The following CCDC91 variants were observed in gnomAD, a reference collection of about 807,000 sequenced individuals.
CCDC91 encodes coiled-coil domain containing 91, also known as coiled-coil domain-containing protein 91.
In CCDC91, 48 loss-of-function variants were observed where a neutral mutation model predicts 63.2. The ratio of observed to expected loss-of-function variants is 0.76; its 90% CI spans 0.60 to 0.97. The LOEUF is 0.97. CCDC91 is among the 50% of genes least tolerant of loss of function. The pLI, the probability that CCDC91 is intolerant of heterozygous loss-of-function variation, is 0.00. For synonymous variants in CCDC91, 167 were observed against 165.8 expected (o/e 1.01, Z -0.06); for missense variants, 500 against 494.6 (o/e 1.01, Z -0.10).
intron 1 of CCDC91, among the ~76,000 whole-genome samples, chr12:28,201,416 C>T (rs72505493): frequency 7.3e-6 from 1 of 137,662 alleles, no homozygotes; most frequent in Non-Finnish European, 1.7e-5. Flanking sequence ...GCTCTCCCCA[C>T]ATCTCAGACG....
chr12:28,289,478 A>G (rs908861144), intron 3 of CCDC91, among the ~76,000 whole-genome samples: 25 of 151,912 alleles, frequency 1.6e-4, no homozygotes, highest in Non-Finnish European at 4.4e-5. Flanking sequence ...ATTTTCATGT[A>G]TTTGAATGGT....
chr12:28,456,540 A>G (rs889772979), intron 11 of CCDC91, among the ~76,000 whole-genome samples: 1 of 152,092 alleles, frequency 6.6e-6, no homozygotes, highest in Non-Finnish European at 1.5e-5. Flanking sequence ...ATAATGTTTT[A>G]TGTCTTGATT....
chr12:28,422,058 G>T (rs1335244212), intron 8 of CCDC91, among the ~76,000 whole-genome samples: 1 of 151,992 alleles, frequency 6.6e-6, no homozygotes, highest in Non-Finnish European at 1.5e-5. Flanking sequence ...TCTTTGAAAC[G>T]GTGGAAACCT....
At chr12:28,438,336 A>G (rs1949015429) in intron 8 of CCDC91, among the ~76,000 whole-genome samples, 1 of 152,098 alleles carries the variant, frequency 6.6e-6, no homozygotes, top group Non-Finnish European at 1.5e-5. Context: ...TGGCTCTTCT[A>G]CCATGTGAGA....
At chr12:28,537,638 CA>C (rs1372131130) in intron 12 of CCDC91, among the ~76,000 whole-genome samples, 2 of 152,152 alleles carry the variant, frequency 1.3e-5, no homozygotes, top group East Asian at 3.9e-4. Context: ...AGAAGCTAAA[CA>C]AAGTCATAAA....
intron 11 of CCDC91, among the ~76,000 whole-genome samples, chr12:28,458,316 A>C (rs1046787962): frequency 1.2e-4 from 18 of 151,600 alleles, no homozygotes; most frequent in African/African-American, 4.4e-4. Flanking sequence ...CTTTTCATCT[A>C]AGTCCTTTTT....
chr12:28,525,537 G>C (rs1225921378), intron 12 of CCDC91, among the ~76,000 whole-genome samples: 1 of 152,080 alleles, frequency 6.6e-6, no homozygotes, highest in African/African-American at 2.4e-5. Context: ...CTATCTTGGA[G>C]AAAGTTCCAT....
chr12:28,232,746 C>T (rs1001155608), intron 1 of CCDC91, among the ~76,000 whole-genome samples: 19 of 152,026 alleles, frequency 1.2e-4, no homozygotes, highest in African/African-American at 4.6e-4. Context: ...GATGGTATGT[C>T]TTGTTCTGTT....
chr12:28,380,055 T>A (rs1945196519), intron 7 of CCDC91, among the ~76,000 whole-genome samples: 1 of 152,114 alleles, frequency 6.6e-6, no homozygotes, highest in Non-Finnish European at 1.5e-5. Flanking sequence ...ACCATCATTC[T>A]CAGCAAACTA....
rs1413303776 is a variant in CCDC91 at position 28,232,070 on chromosome 12, GT to G, written c.-14-25129del. Among the ~76,000 whole-genome samples the G allele has an allele frequency of 2.6e-4, 39 of 152,204 alleles. 1 individual carries two copies. The highest frequency in any genetic ancestry group is 7.8e-4 in the Admixed American group (12 of 15,290). On this transcript the variant is annotated intron_variant, in intron 1 of 12. Transcript: ENST00000536442. ...ACTGCCAGGTACATTGATGTCAGTG[GT>G]TTGAATCAAACTGAATATCCTTTAT...
chr12:28,303,453 A>G (rs1436980593), intron 3 of CCDC91, among the ~76,000 whole-genome samples: 1 of 152,012 alleles, frequency 6.6e-6, no homozygotes, highest in Admixed American at 6.6e-5. Flanking sequence ...AACATGATAC[A>G]CTTGAACATT....
intron 11 of CCDC91, among the ~76,000 whole-genome samples, chr12:28,462,282 T>A (rs1057182885): frequency 1.3e-5 from 2 of 152,080 alleles, no homozygotes; most frequent in Non-Finnish European, 2.9e-5. Context: ...GGTTAAGAAG[T>A]TGTGCAATGC....
intron 7 of CCDC91, among the ~76,000 whole-genome samples, chr12:28,379,784 C>A (rs1019692574): frequency 6.6e-6 from 1 of 152,160 alleles, no homozygotes; most frequent in Non-Finnish European, 1.5e-5. Flanking sequence ...TACCATTTGA[C>A]CTAGCAATCC....
chr12:28,255,303 C>T (rs1335693032), intron 1 of CCDC91, among the ~76,000 whole-genome samples: 1 of 152,142 alleles, frequency 6.6e-6, no homozygotes, highest in Non-Finnish European at 1.5e-5. Flanking sequence ...CTAAAAATTC[C>T]ATTCTTTTGA....
intron 6 of CCDC91, among the ~76,000 whole-genome samples, chr12:28,340,229 A>G (rs1363782376): frequency 5.3e-5 from 8 of 152,228 alleles, no homozygotes; most frequent in Non-Finnish European, 1.0e-4. Context: ...AAATAAAAAC[A>G]AATTTAGTGA....
In CCDC91 at chr12:28,436,340, A is replaced by T. The variant is rs116092175; in HGVS notation, c.763-13821A>T. ...ACTAATCCAATTTAACTTTCAGAGG[A>T]TAGTATGCCATTTCACAGATAGTGT... On this transcript the variant is annotated intron_variant, in intron 8 of 12. Coordinates refer to ENST00000536442, the MANE Select transcript of CCDC91 (RefSeq NM_018318.5). 5.9e-3 allele frequency among the ~76,000 whole-genome samples: 901 copies of T among 151,906 alleles called. 9 individuals carry two copies. The highest frequency in any genetic ancestry group is 0.021 in the African/African-American group (876 of 41,510).
chr12:28,450,313 C>T (rs776600141), intron 9 of CCDC91, 37 bp from the exon 10 acceptor site: 1 of 1,589,332 alleles, frequency 6.3e-7, no homozygotes, highest in South Asian at 1.1e-5. Flanking sequence ...TCAAATAATA[C>T]ATTTAATGTC....
At chr12:28,242,022 CA>C (rs1230011081) in intron 1 of CCDC91, among the ~76,000 whole-genome samples, 3 of 117,858 alleles carry the variant, frequency 2.5e-5, no homozygotes, top group South Asian at 2.7e-4. Flanking sequence ...AAAAACGAAA[CA>C]AAAAAAACTC....
chr12:28,304,402 G>GAAAAAA (rs57660180), intron 3 of CCDC91, among the ~76,000 whole-genome samples: 4 of 99,274 alleles, frequency 4.0e-5, no homozygotes, highest in African/African-American at 1.2e-4. Context: ...AAAAAAAAAA[G>GAAAAAA]AAAAAAAAAA....
Sources: allele counts gnomAD v4.1 joint callset (sites outside exome capture counted in the v4.1 genomes callset), GRCh38; gene constraint gnomAD v4.1.1; transcripts MANE v1.5; gene names NCBI Gene and HGNC (gene_info 2026-07-23, HGNC 2026-07-21).